Variants in CYLD observed in about 807,000 individuals in gnomAD.
CYLD encodes CYLD lysine 63 deubiquitinase, also known as ubiquitin carboxyl-terminal hydrolase CYLD.
Under a neutral mutation model 104.5 loss-of-function variants are expected in CYLD, and 26 were observed. The ratio of observed to expected loss-of-function variants is 0.25; its 90% CI spans 0.18 to 0.35. The LOEUF is 0.35. Among genes scored for constraint, CYLD ranks in the 10% least tolerant of loss-of-function variants. The pLI, the probability that CYLD is intolerant of heterozygous loss-of-function variation, is 1.00. For missense variants in CYLD, 703 were observed against 1,136.1 expected, an observed-to-expected ratio of 0.62 and a Z score of 5.48; for synonymous variants, 385 against 399.9, an observed-to-expected ratio of 0.96 and a Z score of 0.45.
chr16:50,777,858 C>G lies in CYLD; in HGVS notation c.1055C>G (p.Ser352Cys). Residue 352 changes from serine (S) to cysteine (C), a missense_variant, in exon 8 of 19, where the codon TCT (serine) becomes TGT (cysteine). Physicochemically the swap from Ser to Cys is moderately radical, Grantham distance 112 (BLOSUM62 -1). This residue lies in a region of CYLD where 183 missense variants were observed against 212.1 expected (regional missense o/e 0.86). Coordinates refer to ENST00000427738, the MANE Select transcript of CYLD (RefSeq NM_001378743.1). The part of the protein sequence containing the change: ...STSDPGNRNR[S>C]ELFYTLNGSS... ...TCAGACCCTGGAAATAGAAACAGAT[C>G]TGAATTATTTTATACCTTAAATGGG... is the stretch of plus-strand genomic sequence containing the variant. 6.2e-7 allele frequency: 1 copy of G among 1,606,974 alleles called. No homozygotes were observed. Among genetic ancestry groups the G allele is most frequent in the African/African-American group, 1.3e-5 (1 of 74,828 alleles).
At chr16:50,781,523 C>A in intron 10 of CYLD, 112 bp downstream of exon 10, 1 of 1,305,744 alleles carries the variant, frequency 7.7e-7, no homozygotes, top group South Asian at 1.3e-5. Flanking sequence ...CTTGCCAACG[C>A]TCATTAAGCT....
At chr16:50,747,630 T>C (rs1172742281) in intron 2 of CYLD, among the ~76,000 whole-genome samples, 2 of 152,170 alleles carry the variant, frequency 1.3e-5, no homozygotes, top group South Asian at 2.1e-4. Flanking sequence ...AATTGAGGGG[T>C]TGGATAGCTG....
At chr16:50,795,592 C>G (rs1971953553) in intron 18 of CYLD, 1 of 702,872 alleles carries the variant, frequency 1.4e-6, no homozygotes, top group South Asian at 1.5e-5. Flanking sequence ...GTGTGGCCCT[C>G]CAGTAGCCTA....
chr16:50,766,020 A>G (rs1968474800), intron 5 of CYLD, among the ~76,000 whole-genome samples: 1 of 152,260 alleles, frequency 6.6e-6, no homozygotes, highest in Non-Finnish European at 1.5e-5. Context: ...AGCTAAGTTA[A>G]TTGATGAAAG....
intron 18 of CYLD, chr16:50,795,700 C>T: frequency 1.5e-6 from 1 of 677,332 alleles, no homozygotes. Flanking sequence ...GGATACATCC[C>T]AGCCCCATCT....
intron 5 of CYLD, among the ~76,000 whole-genome samples, chr16:50,766,513 T>C (rs1426698521): frequency 6.6e-6 from 1 of 152,196 alleles, no homozygotes; most frequent in East Asian, 1.9e-4. Context: ...TAATTTCTAT[T>C]TGCAAGTTTT....
chr16:50,781,473 A>G (rs1970208894), intron 10 of CYLD, 62 bp downstream of exon 10: 1 of 1,565,446 alleles, frequency 6.4e-7, no homozygotes, highest in East Asian at 2.2e-5. Context: ...ATCTCATATC[A>G]TGTTATATTA....
At chr16:50,760,760 C>T (rs1967816534) in intron 5 of CYLD, among the ~76,000 whole-genome samples, 1 of 151,744 alleles carries the variant, frequency 6.6e-6, no homozygotes, top group Non-Finnish European at 1.5e-5. Flanking sequence ...GTAACCTGTA[C>T]ATGTCTGTTT....
rs930630359 is a variant in CYLD, at chr16:50,801,874, T to C, written c.*5366T>C. ...AATTTTTTAGAGATGAATGAAGTGC[T>C]GCTGTGGAAAGAAATGTACATATAC... On this transcript the variant is annotated 3_prime_UTR_variant, in exon 19 of 19. Transcript: ENST00000427738. 8.6e-6 allele frequency: 2 copies of C among 232,618 alleles called. No individual in the cohort carries two copies. The highest frequency in any genetic ancestry group is 1.7e-5 in the Non-Finnish European group (2 of 117,430). 14.4% of individuals were successfully genotyped at this position (232,618 alleles called of 1,614,324 possible). A position where few individuals can be genotyped will look rare whatever the true frequency, so the allele number is the denominator to read the frequency against.
intron 13 of CYLD, chr16:50,787,445 T>A: frequency 3.3e-6 from 1 of 303,664 alleles, no homozygotes; most frequent in South Asian, 3.4e-5. Context: ...GCTGTAATGT[T>A]CAGAGGCTTG....
intron 5 of CYLD, among the ~76,000 whole-genome samples, chr16:50,763,285 T>G (rs1442385828): frequency 1.3e-5 from 2 of 151,506 alleles, no homozygotes; most frequent in Non-Finnish European, 3.0e-5. Context: ...GATATTTAGG[T>G]TTTTTTTTCA....
At chr16:50,757,528 A>T (rs989048670) in intron 5 of CYLD, among the ~76,000 whole-genome samples, 3 of 150,486 alleles carry the variant, frequency 2.0e-5, no homozygotes, top group Non-Finnish European at 1.5e-5. Flanking sequence ...GCAAAATTTA[A>T]TTTAGTTTTT....
chr16:50,749,015 A>C (rs974349308), intron 2 of CYLD, among the ~76,000 whole-genome samples: 26 of 152,214 alleles, frequency 1.7e-4, no homozygotes, highest in African/African-American at 6.3e-4. Context: ...CAGCTTAGGC[A>C]ACATAGTGAG....
At position 50,801,674 on chromosome 16, in the gene CYLD, T is replaced by C; in HGVS notation, c.*5166T>C. ...GGAGTTGGGATTCTTAGTAGATTGGTAGAAAGGGGCTCATTTTCTACTGCA... is the reference window on the plus strand; with the variant it reads ...GGAGTTGGGATTCTTAGTAGATTGGCAGAAAGGGGCTCATTTTCTACTGCA... On this transcript the variant is annotated 3_prime_UTR_variant, in exon 19 of 19. Transcript: ENST00000427738. 1 of 233,430 alleles carries C rather than the reference T, an allele frequency of 4.3e-6. No individual in the cohort carries two copies. Among genetic ancestry groups the C allele is most frequent in the East Asian group, 6.0e-5 (1 of 16,634 alleles). The allele number at this position is 233,430 out of a possible 1,614,324, so 14.5% of individuals were successfully genotyped here.
intron 5 of CYLD, among the ~76,000 whole-genome samples, chr16:50,755,080 T>TAC (rs1396213268): frequency 1.7e-5 from 2 of 114,292 alleles, no homozygotes; most frequent in Non-Finnish European, 3.4e-5. Flanking sequence ...TGTATACATA[T>TAC]ACACACATAT....
Sources: gnomAD v4.1 joint callset for allele counts (sites outside exome capture counted in the v4.1 genomes callset) on GRCh38, gnomAD v4.1.1 for gene constraint, gnomAD v4.1.1 regional missense constraint, MANE v1.5 for transcripts, NCBI Gene and HGNC (gene_info 2026-07-23, HGNC 2026-07-21) for gene names.